Variants in MAP3K20 observed in about 807,000 individuals in gnomAD.
MAP3K20 encodes HCCS-4.
In MAP3K20, 40 loss-of-function variants were observed where a neutral mutation model predicts 85.7. That is an observed-to-expected ratio of 0.47 (90% CI 0.36 to 0.61). The LOEUF is 0.61. MAP3K20 is among the 20% of genes least tolerant of loss of function. MAP3K20 has a pLI of 0.00. For synonymous variants in MAP3K20, 325 were observed against 327.7 expected, an observed-to-expected ratio of 0.99 and a Z score of 0.09; for missense variants, 817 against 961.7, an observed-to-expected ratio of 0.85 and a Z score of 1.99.
At chr2:173,165,921 C>CAGG (rs1689806820) in intron 2 of MAP3K20, among the ~76,000 whole-genome samples, 1 of 152,190 alleles carries the variant, frequency 6.6e-6, no homozygotes, top group Non-Finnish European at 1.5e-5. Flanking sequence ...TTCTCTTCTC[C>CAGG]TGCCTCAGCC....
chr2:173,260,319 G>A (rs558629419), intron 17 of MAP3K20, among the ~76,000 whole-genome samples: 27 of 152,326 alleles, frequency 1.8e-4, no homozygotes, highest in African/African-American at 6.5e-4. Context: ...AGTGAGCCAA[G>A]ATCGCACCAC....
intron 9 of MAP3K20, among the ~76,000 whole-genome samples, chr2:173,205,946 G>A (rs1043011924): frequency 4.6e-5 from 7 of 152,056 alleles, no homozygotes; most frequent in African/African-American, 1.2e-4. Context: ...CTATAAGCAC[G>A]TATTTTCAAG....
intron 2 of MAP3K20, among the ~76,000 whole-genome samples, chr2:173,129,311 A>G (rs1688540732): frequency 6.6e-6 from 1 of 152,142 alleles, no homozygotes; most frequent in Non-Finnish European, 1.5e-5. Context: ...TTACTATGCT[A>G]AGCTCTTGCA....
intron 8 of MAP3K20, among the ~76,000 whole-genome samples, chr2:173,201,894 G>T (rs1691076368): frequency 1.3e-5 from 2 of 152,138 alleles, no homozygotes; most frequent in African/African-American, 2.4e-5. Context: ...CTTGTGTAAT[G>T]ACTTCGATGT....
chr2:173,077,470 T>C (rs1364792805), intron 1 of MAP3K20, among the ~76,000 whole-genome samples: 3 of 151,540 alleles, frequency 2.0e-5, no homozygotes, highest in Non-Finnish European at 2.9e-5. Context: ...GCTACTATAG[T>C]GAGAGATTTA....
chr2:173,162,609 C>A (rs1559258689), intron 2 of MAP3K20, among the ~76,000 whole-genome samples: 1 of 151,488 alleles, frequency 6.6e-6, no homozygotes, highest in African/African-American at 2.4e-5. Flanking sequence ...TCGCTTGAAC[C>A]CAGGAGGCGG....
At chr2:173,226,802 A>G (rs1477073681) in intron 11 of MAP3K20, 3 of 983,386 alleles carry the variant, frequency 3.1e-6, no homozygotes, top group Non-Finnish European at 3.6e-6. Context: ...ACTAAATAAT[A>G]GAAAATATTT....
Position 173,266,519 on chromosome 2 carries a change from T to C in MAP3K20, c.2172T>C (p.Pro724=), listed in dbSNP as rs1261562962. The change falls in exon 20 of 20, where the codon CCT becomes CCC. Residue 724 remains proline (P), a synonymous_variant. Coordinates refer to ENST00000375213, the MANE Select transcript of MAP3K20 (RefSeq NM_016653.3). ...FYRVSQSALN[P]HQSPDFKRSP... ...GGGTTTCTCAGTCAGCACTCAATCCTCACCAGTCGCCTGACTTCAAGAGAA... is the reference window on the plus strand; with the variant it reads ...GGGTTTCTCAGTCAGCACTCAATCCCCACCAGTCGCCTGACTTCAAGAGAA... 2.5e-6 allele frequency: 4 copies of C among 1,613,790 alleles called. No individual in the cohort carries two copies.
intron 2 of MAP3K20, among the ~76,000 whole-genome samples, chr2:173,108,838 G>T (rs780821941): frequency 6.6e-6 from 1 of 152,254 alleles, no homozygotes; most frequent in Non-Finnish European, 1.5e-5. Flanking sequence ...ATCAGCAACA[G>T]TGAGCACATT....
chr2:173,088,905 C>G (rs1687214972), intron 1 of MAP3K20, among the ~76,000 whole-genome samples: 1 of 152,196 alleles, frequency 6.6e-6, no homozygotes, highest in South Asian at 2.1e-4. Context: ...CTTTCCCTCA[C>G]TCATATTTTT....
intron 2 of MAP3K20, among the ~76,000 whole-genome samples, chr2:173,139,272 T>G (rs764887453): frequency 3.8e-4 from 58 of 152,334 alleles, no homozygotes; most frequent in Non-Finnish European, 6.6e-4. Flanking sequence ...TAATTGACCA[T>G]ATTTCCGATG....
At chr2:173,164,973 A>C (rs1184824640) in intron 2 of MAP3K20, among the ~76,000 whole-genome samples, 2 of 152,224 alleles carry the variant, frequency 1.3e-5, no homozygotes, top group Non-Finnish European at 2.9e-5. Flanking sequence ...GAAAGAGGAA[A>C]GGAGAAAGGA....
At chr2:173,192,002 C>T (rs894072678) in intron 7 of MAP3K20, among the ~76,000 whole-genome samples, 2 of 152,144 alleles carry the variant, frequency 1.3e-5, no homozygotes, top group African/African-American at 4.8e-5. Flanking sequence ...AAACTTTTCC[C>T]TAAAATGTTA....
At chr2:173,113,312 C>CT (rs1240170128) in intron 2 of MAP3K20, among the ~76,000 whole-genome samples, 1 of 151,868 alleles carries the variant, frequency 6.6e-6, no homozygotes, top group Non-Finnish European at 1.5e-5. Flanking sequence ...TGCCAATGGT[C>CT]TATCAATTTT....
intron 2 of MAP3K20, among the ~76,000 whole-genome samples, chr2:173,133,194 A>T: frequency 6.6e-6 from 1 of 152,232 alleles, no homozygotes. Context: ...AAAGCAATGT[A>T]AACATCTGAG....
At chr2:173,173,590 C>A (rs1315701075) in intron 3 of MAP3K20, among the ~76,000 whole-genome samples, 7 of 152,112 alleles carry the variant, frequency 4.6e-5, no homozygotes. Flanking sequence ...TTAACTTGAT[C>A]TTGATTTATT....
intron 16 of MAP3K20, among the ~76,000 whole-genome samples, chr2:173,257,776 T>C (rs1685194036): frequency 6.6e-6 from 1 of 152,184 alleles, no homozygotes; most frequent in Non-Finnish European, 1.5e-5. Context: ...CAACAATGTA[T>C]TAATATTAAT....
chr2:173,077,962 A>G (rs1686912181), intron 1 of MAP3K20, among the ~76,000 whole-genome samples: 1 of 152,238 alleles, frequency 6.6e-6, no homozygotes, highest in African/African-American at 2.4e-5. Context: ...CTCAGAGCCT[A>G]TCTGGAATGA....
intron 2 of MAP3K20, among the ~76,000 whole-genome samples, chr2:173,101,880 A>G (rs1687648159): frequency 6.6e-6 from 1 of 151,992 alleles, no homozygotes; most frequent in Non-Finnish European, 1.5e-5. Context: ...CTGATGCTTG[A>G]CTCATACTCC....
Sources: allele counts gnomAD v4.1 joint callset (sites outside exome capture counted in the v4.1 genomes callset), GRCh38; gene constraint gnomAD v4.1.1; transcripts MANE v1.5; gene names NCBI Gene and HGNC (gene_info 2026-07-23, HGNC 2026-07-21).